The following DAPK2 variants were observed in gnomAD, a reference collection of about 807,000 sequenced individuals.
DAPK2 encodes the protein death-associated protein kinase 2.
In DAPK2, 35 loss-of-function variants were observed where a neutral mutation model predicts 44.1. That is an observed-to-expected ratio of 0.79 (90% CI 0.61 to 1.05). DAPK2 has a LOEUF of 1.05. DAPK2 is among the 50% of genes least tolerant of loss of function. The probability of loss-of-function intolerance (pLI) is 0.00; values close to 1 mark genes in which losing one functional copy is unlikely to be tolerated. For synonymous variants in DAPK2, 174 were observed against 182.6 expected (o/e 0.95, Z 0.38); for missense variants, 453 against 483.2 (o/e 0.94, Z 0.59).
chr15:63,938,263 G>T (rs1396793716), intron 4 of DAPK2, among the ~76,000 whole-genome samples: 3 of 152,186 alleles, frequency 2.0e-5, no homozygotes, highest in Non-Finnish European at 4.4e-5. Flanking sequence ...CTGCCTACTG[G>T]TTGGGTTGCC....
intron 8 of DAPK2, chr15:63,919,315 A>G (rs1428622902): frequency 6.6e-6 from 1 of 152,228 alleles, no homozygotes; most frequent in Non-Finnish European, 1.5e-5. Flanking sequence ...CACTGCTATA[A>G]GGAAAACCAC....
intron 3 of DAPK2, among the ~76,000 whole-genome samples, chr15:63,960,943 G>A (rs183730800): frequency 2.6e-4 from 39 of 152,216 alleles, no homozygotes; most frequent in African/African-American, 7.5e-4. Context: ...TGTTGACAGC[G>A]GGGTGTTAAA....
chr15:64,032,902 A>G (rs978719357), intron 1 of DAPK2, among the ~76,000 whole-genome samples: 2 of 151,954 alleles, frequency 1.3e-5, no homozygotes, highest in Non-Finnish European at 2.9e-5. Context: ...CCTGGCCAAC[A>G]TAGTGAAACC....
At chr15:63,992,393 A>G (rs903064515) in intron 1 of DAPK2, among the ~76,000 whole-genome samples, 2 of 151,662 alleles carry the variant, frequency 1.3e-5, no homozygotes, top group Admixed American at 1.3e-4. Flanking sequence ...CCACCCATGC[A>G]TCCTCCTAAC....
chr15:64,011,267 A>C (rs929958904), intron 1 of DAPK2, among the ~76,000 whole-genome samples: 1 of 152,188 alleles, frequency 6.6e-6, no homozygotes, highest in Admixed American at 6.5e-5. Flanking sequence ...TAGAGAGTAA[A>C]GATGATCTCA....
chr15:64,043,083 C>G (rs2080385581), upstream of DAPK2, among the ~76,000 whole-genome samples: 1 of 152,204 alleles, frequency 6.6e-6, no homozygotes, highest in African/African-American at 2.4e-5. Flanking sequence ...GGCACATTGT[C>G]TTAGCTGAGC....
intron 7 of DAPK2, among the ~76,000 whole-genome samples, chr15:63,925,234 T>G (rs116251735): frequency 0.021 from 3,153 of 152,266 alleles, 109 homozygotes; most frequent in African/African-American, 0.073. Flanking sequence ...TTCTCTGCCT[T>G]TCGCTGCTCT....
At chr15:64,041,871 G>C (rs573944919), upstream of DAPK2, among the ~76,000 whole-genome samples, 1 of 152,268 alleles carries the variant, frequency 6.6e-6, no homozygotes, top group East Asian at 1.9e-4. Flanking sequence ...AAGGCACACA[G>C]AGCCTGAAGA....
chr15:64,015,183 C>G (rs994866591), intron 1 of DAPK2, among the ~76,000 whole-genome samples: 6 of 152,218 alleles, frequency 3.9e-5, no homozygotes, highest in African/African-American at 7.2e-5. Flanking sequence ...GAACAAACAG[C>G]CTGGCTGACC....
At chr15:64,031,885 T>C (rs2080027066) in intron 1 of DAPK2, among the ~76,000 whole-genome samples, 1 of 152,162 alleles carries the variant, frequency 6.6e-6, no homozygotes, top group Non-Finnish European at 1.5e-5. Flanking sequence ...ATGGAAGTAA[T>C]TTTTGTGTTT....
intron 1 of DAPK2, among the ~76,000 whole-genome samples, chr15:64,011,383 A>T (rs1222454217): frequency 6.6e-6 from 1 of 152,184 alleles, no homozygotes; most frequent in Non-Finnish European, 1.5e-5. Context: ...AACATGATGA[A>T]ACCCCATCTC....
intron 1 of DAPK2, among the ~76,000 whole-genome samples, chr15:64,011,438 G>A (rs958632965): frequency 2.6e-5 from 4 of 152,138 alleles, no homozygotes; most frequent in African/African-American, 7.2e-5. Flanking sequence ...GCGGGCACCT[G>A]TAATCCAAGC....
At chr15:64,042,660 T>C (rs1371511509), upstream of DAPK2, among the ~76,000 whole-genome samples, 1 of 152,232 alleles carries the variant, frequency 6.6e-6, no homozygotes, top group African/African-American at 2.4e-5. The surrounding 1 kb of genome is among the most constrained non-coding windows in gnomAD (Gnocchi z 4.7). Context: ...GCCCACCAGT[T>C]AGGCTTTCGC....
chr15:63,965,221 G>T (rs1288503227), intron 3 of DAPK2, among the ~76,000 whole-genome samples: 1 of 152,232 alleles, frequency 6.6e-6, no homozygotes, highest in Non-Finnish European at 1.5e-5. Context: ...TAAAGGTACT[G>T]CCTTGGTAGT....
chr15:64,031,402 C>A (rs564805193), intron 1 of DAPK2, among the ~76,000 whole-genome samples: 1 of 152,086 alleles, frequency 6.6e-6, no homozygotes, highest in Non-Finnish European at 1.5e-5. Context: ...TTGGCTAATT[C>A]TTCATGTTTT....
intron 3 of DAPK2, among the ~76,000 whole-genome samples, chr15:63,965,577 C>T (rs1489893125): frequency 2.0e-5 from 3 of 152,230 alleles, no homozygotes; most frequent in Non-Finnish European, 4.4e-5. Context: ...TCCAGAGATG[C>T]CATCTGGGAG....
At chr15:63,911,224 A>ACC (rs2078780214) in intron 10 of DAPK2, 1 of 96,188 alleles carries the variant, frequency 1.0e-5, no homozygotes, top group Non-Finnish European at 2.2e-5. Flanking sequence ...TGTCTAAACA[A>ACC]ACAAAAAAAA....
Position 63,942,272 on chromosome 15 carries a change from C to T in DAPK2, c.454-2911G>A, listed in dbSNP as rs1005735120. ...GGTCTATAAGAACCTCAGGGCAGGCCGGGCACAGTGGCTCACACATGTAAT... is the reference window on the plus strand; with the variant it reads ...GGTCTATAAGAACCTCAGGGCAGGCTGGGCACAGTGGCTCACACATGTAAT... On this transcript the variant is annotated intron_variant, in intron 3 of 10. Transcript: ENST00000261891. The T allele has an allele frequency of 1.6e-5, 16 of 985,116 alleles. No homozygotes were observed. The African/African-American group carries it at 2.1e-4, about 13-fold the overall frequency. The allele number at this position is 985,116 out of a possible 1,614,324, so 61.0% of individuals were successfully genotyped here.
At chr15:64,011,475 C>T (rs537681593) in intron 1 of DAPK2, among the ~76,000 whole-genome samples, 3 of 152,250 alleles carry the variant, frequency 2.0e-5, no homozygotes, top group East Asian at 1.9e-4. Context: ...GCAGGAGAAT[C>T]GCTTAAACCC....
Sources: gnomAD v4.1 joint callset for allele counts (sites outside exome capture counted in the v4.1 genomes callset) on GRCh38, gnomAD v4.1.1 for gene constraint, Gnocchi (gnomAD v3.1) non-coding constraint, MANE v1.5 for transcripts, NCBI Gene and HGNC (gene_info 2026-07-23, HGNC 2026-07-21) for gene names.